KIAA0319L: variants seen among roughly 807,000 people sequenced by gnomAD.
KIAA0319L encodes the protein KIAA0319 like, also known as dyslexia-associated protein KIAA0319-like protein.
Under a neutral mutation model 120.1 loss-of-function variants are expected in KIAA0319L, and 55 were observed. The observed-to-expected ratio is 0.46, with a 90% CI of 0.37 to 0.57. The LOEUF is 0.57. KIAA0319L is among the 20% of genes least tolerant of loss of function. The probability of loss-of-function intolerance (pLI) is 0.00; values close to 1 mark genes in which losing one functional copy is unlikely to be tolerated. For missense variants in KIAA0319L, 1,049 were observed against 1,255.3 expected, an observed-to-expected ratio of 0.84 and a Z score of 2.48; for synonymous variants, 398 against 471.9, an observed-to-expected ratio of 0.84 and a Z score of 2.03.
intron 2 of KIAA0319L, among the ~76,000 whole-genome samples, chr1:35,538,536 A>C (rs1008319007): frequency 4.3e-5 from 6 of 141,094 alleles, no homozygotes; most frequent in African/African-American, 1.6e-4. Context: ...GACTGCAGTG[A>C]GCTGAGATCA....
intron 3 of KIAA0319L, among the ~76,000 whole-genome samples, chr1:35,495,237 G>A (rs1644755712): frequency 6.6e-6 from 1 of 152,112 alleles, no homozygotes; most frequent in Non-Finnish European, 1.5e-5. Flanking sequence ...ACCAGGCGTG[G>A]TGGTGCACAC....
At chr1:35,497,828 G>A (rs1017261507) in intron 3 of KIAA0319L, among the ~76,000 whole-genome samples, 1 of 152,152 alleles carries the variant, frequency 6.6e-6, no homozygotes, top group African/African-American at 2.4e-5. Context: ...TCTCACCATT[G>A]TGTGCAAAGT....
chr1:35,540,451 T>C (rs1244977480), intron 2 of KIAA0319L, among the ~76,000 whole-genome samples: 1 of 152,352 alleles, frequency 6.6e-6, no homozygotes, highest in East Asian at 1.9e-4. Context: ...GCTGATGGGC[T>C]GGGTGTATCT....
chr1:35,529,339 T>C (rs1646273939), intron 2 of KIAA0319L, among the ~76,000 whole-genome samples: 1 of 152,242 alleles, frequency 6.6e-6, no homozygotes, highest in South Asian at 2.1e-4. Flanking sequence ...CTTATTGTTA[T>C]GGTTTGATGA....
intron 4 of KIAA0319L, 150 bp downstream of exon 4, chr1:35,478,816 A>C (rs1644018508): frequency 1.1e-6 from 1 of 916,876 alleles, no homozygotes; most frequent in Admixed American, 2.4e-5. Context: ...TAGAGCCCCC[A>C]GTCCATGACT....
intron 20 of KIAA0319L, 115 bp downstream of exon 20, chr1:35,440,932 A>C: frequency 5.7e-6 from 5 of 875,744 alleles, no homozygotes; most frequent in African/African-American, 1.7e-5. Context: ...AAAGGGAACA[A>C]AATGCTTTGC....
chr1:35,540,414 G>A (rs1161757519), intron 2 of KIAA0319L, among the ~76,000 whole-genome samples: 1 of 152,218 alleles, frequency 6.6e-6, no homozygotes, highest in Non-Finnish European at 1.5e-5. Context: ...AAGGGCAGGA[G>A]CACCCTAATG....
At chr1:35,500,730 C>T (rs939541657) in intron 3 of KIAA0319L, among the ~76,000 whole-genome samples, 4 of 152,184 alleles carry the variant, frequency 2.6e-5, no homozygotes, top group Admixed American at 6.5e-5. Flanking sequence ...GCAGTGCATA[C>T]TTTTCTCTTC....
chr1:35,527,101 GGTT>G (rs1646177636), intron 2 of KIAA0319L, among the ~76,000 whole-genome samples: 3 of 152,214 alleles, frequency 2.0e-5, no homozygotes, highest in African/African-American at 7.2e-5. Context: ...TGGAAACAAA[GGTT>G]GTTGAATTTT....
chr1:35,459,165 T>A (rs1056428809), intron 9 of KIAA0319L, among the ~76,000 whole-genome samples: 1 of 151,986 alleles, frequency 6.6e-6, no homozygotes, highest in Non-Finnish European at 1.5e-5. Flanking sequence ...TCTGGAGGGA[T>A]CTCAGAGAAC....
In KIAA0319L at chr1:35,453,726, T is replaced by G; in HGVS notation, c.1781-37A>C. 2 of 1,596,158 alleles carry G rather than the reference T, an allele frequency of 1.3e-6. No homozygotes were observed. The highest frequency in any genetic ancestry group is 2.2e-5 in the South Asian group (2 of 89,314). ...AGAGTTAGAGGTCAAAAGCAGCCAG[T>G]CCAGGTGGGAAAGGAGAGGAACCAA... On this transcript the variant is annotated intron_variant, in intron 11 of 20. Coordinates refer to ENST00000325722, the MANE Select transcript of KIAA0319L (RefSeq NM_024874.5). The surrounding 1 kb of genome is among the most constrained non-coding windows in gnomAD (Gnocchi z 4.1).
chr1:35,494,554 G>C (rs191740431), intron 3 of KIAA0319L, among the ~76,000 whole-genome samples: 10 of 152,106 alleles, frequency 6.6e-5, no homozygotes, highest in African/African-American at 2.4e-4. Flanking sequence ...CAGCAGCTTG[G>C]GAGGCTGAGG....
intron 3 of KIAA0319L, among the ~76,000 whole-genome samples, chr1:35,495,731 C>T (rs1385746319): frequency 6.6e-6 from 1 of 152,052 alleles, no homozygotes; most frequent in African/African-American, 2.4e-5. Flanking sequence ...AAGCTCACTG[C>T]AGCCTCAACC....
chr1:35,445,083 T>C (rs1203854403), intron 16 of KIAA0319L, among the ~76,000 whole-genome samples: 1 of 152,192 alleles, frequency 6.6e-6, no homozygotes, highest in East Asian at 1.9e-4. Flanking sequence ...GACCAAGATA[T>C]TGATCCCCTC....
chr1:35,450,164 G>C (rs1452780264), intron 14 of KIAA0319L, among the ~76,000 whole-genome samples, 159 bp from the exon 15 acceptor site: 1 of 152,168 alleles, frequency 6.6e-6, no homozygotes, highest in African/African-American at 2.4e-5. Flanking sequence ...CAACTGCTAG[G>C]ATCAGGGAAG....
At chr1:35,539,349 G>A (rs1347400274) in intron 2 of KIAA0319L, among the ~76,000 whole-genome samples, 6 of 152,214 alleles carry the variant, frequency 3.9e-5, no homozygotes, top group African/African-American at 1.2e-4. Context: ...AAATAACCCT[G>A]TTCCAGGTCT....
chr1:35,452,906 A>C (rs1642169652), intron 12 of KIAA0319L, among the ~76,000 whole-genome samples: 1 of 152,246 alleles, frequency 6.6e-6, no homozygotes, highest in Non-Finnish European at 1.5e-5. Flanking sequence ...TACCTTTGGA[A>C]ACAGAGAATA....
At chr1:35,473,061 A>T (rs1295164514) in intron 5 of KIAA0319L, among the ~76,000 whole-genome samples, 1 of 131,542 alleles carries the variant, frequency 7.6e-6, no homozygotes, top group African/African-American at 3.0e-5. Context: ...GATTACAGGC[A>T]TGAGCCACTG....
intron 3 of KIAA0319L, among the ~76,000 whole-genome samples, chr1:35,489,770 G>T (rs1021078376): frequency 8.6e-5 from 13 of 150,900 alleles, no homozygotes; most frequent in African/African-American, 3.2e-4. Flanking sequence ...AGGTTCAAGC[G>T]ATTCTCCTGC....
Sources: allele counts gnomAD v4.1 joint callset (sites outside exome capture counted in the v4.1 genomes callset), GRCh38; gene constraint gnomAD v4.1.1; non-coding constraint Gnocchi (gnomAD v3.1); transcripts MANE v1.5; gene names NCBI Gene and HGNC (gene_info 2026-07-23, HGNC 2026-07-21).